Variants in GRIN3A observed in about 807,000 individuals in gnomAD.
GRIN3A encodes glutamate ionotropic receptor NMDA type subunit 3A.
In GRIN3A, 47 loss-of-function variants were observed where a neutral mutation model predicts 92.4. The observed-to-expected ratio is 0.51, with a 90% CI of 0.40 to 0.65. GRIN3A has a LOEUF of 0.65. GRIN3A is among the 30% of genes least tolerant of loss of function. The pLI is 0.00. For missense variants in GRIN3A, 1,324 were observed against 1,393.1 expected (o/e 0.95, Z 0.79); for synonymous variants, 527 against 540.6 (o/e 0.97, Z 0.35).
intron 1 of GRIN3A, among the ~76,000 whole-genome samples, chr9:101,735,524 C>T (rs1242407832): frequency 6.6e-6 from 1 of 151,814 alleles, no homozygotes; most frequent in Non-Finnish European, 1.5e-5. Context: ...AACTTCCCTT[C>T]TAACTAAGGA....
At chr9:101,646,060 C>T (rs532968729) in intron 3 of GRIN3A, among the ~76,000 whole-genome samples, 1 of 151,544 alleles carries the variant, frequency 6.6e-6, no homozygotes, top group Non-Finnish European at 1.5e-5. Context: ...TTTTGTGGTA[C>T]AGAAACCTTT....
intron 2 of GRIN3A, among the ~76,000 whole-genome samples, chr9:101,681,612 C>G (rs1189183705): frequency 6.6e-6 from 1 of 152,206 alleles, no homozygotes; most frequent in African/African-American, 2.4e-5. Context: ...TTTACAGGAT[C>G]CAAGTCCAGT....
intron 1 of GRIN3A, among the ~76,000 whole-genome samples, chr9:101,699,734 T>C (rs2506360): frequency 0.92 from 140,282 of 152,214 alleles, 64,966 homozygotes; most frequent in Middle Eastern, 0.97. Flanking sequence ...TTCTAGCTGT[T>C]GTGCTTATCT....
chr9:101,631,532 T>C (rs10512284), intron 3 of GRIN3A, among the ~76,000 whole-genome samples: 29,125 of 152,140 alleles, frequency 0.19, 3,148 homozygotes, highest in Non-Finnish European at 0.25. Flanking sequence ...TCATTTTCTT[T>C]TCTGAATGCA....
At chr9:101,723,830 C>T (rs1036403431) in intron 1 of GRIN3A, among the ~76,000 whole-genome samples, 1 of 152,084 alleles carries the variant, frequency 6.6e-6, no homozygotes, top group African/African-American at 2.4e-5. Flanking sequence ...TGTTTACAAA[C>T]CTTGAGCTAG....
intron 6 of GRIN3A, among the ~76,000 whole-genome samples, chr9:101,604,733 C>T (rs1828254882): frequency 6.6e-6 from 1 of 152,116 alleles, no homozygotes; most frequent in South Asian, 2.1e-4. Context: ...AAACTGCCCT[C>T]CCCCACTGCC....
At chr9:101,602,418 C>G (rs553652403) in intron 6 of GRIN3A, among the ~76,000 whole-genome samples, 1 of 152,196 alleles carries the variant, frequency 6.6e-6, no homozygotes, top group African/African-American at 2.4e-5. Flanking sequence ...GAGGCAACTC[C>G]TCTCTGCACA....
At chr9:101,614,015 T>C (rs1828405321) in intron 5 of GRIN3A, among the ~76,000 whole-genome samples, 1 of 152,132 alleles carries the variant, frequency 6.6e-6, no homozygotes, top group Non-Finnish European at 1.5e-5. Flanking sequence ...ACCATGTGAA[T>C]AAACAATACA....
intron 1 of GRIN3A, among the ~76,000 whole-genome samples, chr9:101,700,619 T>C (rs1829740511): frequency 6.6e-6 from 1 of 152,184 alleles, no homozygotes; most frequent in South Asian, 2.1e-4. Flanking sequence ...ATAATACAAT[T>C]ATTATGAATT....
Position 101,587,429 on chromosome 9 carries a change from C to T in GRIN3A, c.2767-8069G>A, listed in dbSNP as rs570534820. ...TGAATATAACTTCTTTTGAGATAGA[C>T]TGTATCCTGACGCAGATCTCAGAAA... On this transcript the variant is annotated intron_variant, in intron 6 of 8. Coordinates refer to ENST00000361820, the MANE Select transcript of GRIN3A (RefSeq NM_133445.3). 2.0e-5 allele frequency among the ~76,000 whole-genome samples: 3 copies of T among 152,178 alleles called. 1 individual carries two copies. In the East Asian group the frequency reaches 5.8e-4, roughly 29 times the overall value.
At position 101,572,049 on chromosome 9, in the gene GRIN3A, G is replaced by A. The variant is rs1232563531; in HGVS notation, c.*1125C>T. ...AGGATCATTAGAGGGACCAAAACCAGTTCATAGCTCCTCAGAGATGAGTGG... is the reference window on the plus strand; with the variant it reads ...AGGATCATTAGAGGGACCAAAACCAATTCATAGCTCCTCAGAGATGAGTGG... On this transcript the variant is annotated 3_prime_UTR_variant, in exon 9 of 9. Transcript: ENST00000361820. 1 of 148,354 alleles carries A rather than the reference G, an allele frequency of 6.7e-6. No homozygotes were observed. The highest frequency in any genetic ancestry group is 1.5e-5 in the Non-Finnish European group (1 of 66,094). The allele number at this position is 148,354 out of a possible 1,614,324, so 9.2% of individuals were successfully genotyped here. A position where few individuals can be genotyped will look rare whatever the true frequency, so the allele number is the denominator to read the frequency against.
chr9:101,689,074 T>C (rs898303146), intron 1 of GRIN3A, among the ~76,000 whole-genome samples: 3 of 152,162 alleles, frequency 2.0e-5, no homozygotes, highest in Non-Finnish European at 4.4e-5. Context: ...ATTGCTCCTG[T>C]GTTTTCTTTT....
At chr9:101,611,334 T>C (rs1828365483) in intron 6 of GRIN3A, among the ~76,000 whole-genome samples, 1 of 152,114 alleles carries the variant, frequency 6.6e-6, no homozygotes, top group South Asian at 2.1e-4. Flanking sequence ...ACGTGGACTT[T>C]TTCCCTGTAT....
rs1015711300 is a variant in GRIN3A at position 101,569,803 on chromosome 9, A to G, written c.*3371T>C. The G allele has an allele frequency of 6.6e-6, 1 of 152,176 alleles. No homozygotes were observed. Among genetic ancestry groups the G allele is most frequent in the African/African-American group, 2.4e-5 (1 of 41,438 alleles). The allele number at this position is 152,176 out of a possible 1,614,324, so 9.4% of individuals were successfully genotyped here. On this transcript the variant is annotated 3_prime_UTR_variant, in exon 9 of 9. Transcript: ENST00000361820. Reference sequence around the variant, plus strand: ...TTGGGAGAAAAAGAGGCTCTAAAGTAGTTTCTTTCCCCTTTATTCTTTACC... The same window carrying G: ...TTGGGAGAAAAAGAGGCTCTAAAGTGGTTTCTTTCCCCTTTATTCTTTACC...
chr9:101,631,009 C>T (rs570651114), intron 3 of GRIN3A, among the ~76,000 whole-genome samples: 123 of 150,132 alleles, frequency 8.2e-4, no homozygotes, highest in African/African-American at 3.0e-3. Context: ...ACTTCCCTAA[C>T]TTATTGTGTA....
intron 4 of GRIN3A, among the ~76,000 whole-genome samples, chr9:101,626,123 C>T (rs570860488): frequency 3.9e-5 from 6 of 152,272 alleles, no homozygotes; most frequent in African/African-American, 1.4e-4. Flanking sequence ...TCTAGATTGG[C>T]TGAATCACTG....
intron 8 of GRIN3A, among the ~76,000 whole-genome samples, chr9:101,577,051 G>C (rs576260418): frequency 7.2e-5 from 11 of 152,206 alleles, no homozygotes; most frequent in Middle Eastern, 3.4e-3. Context: ...CATGAAATAG[G>C]GAACAGTCAT....
intron 5 of GRIN3A, among the ~76,000 whole-genome samples, chr9:101,617,152 A>G (rs1292505919): frequency 7.0e-6 from 1 of 142,796 alleles, no homozygotes; most frequent in Non-Finnish European, 1.5e-5. Context: ...GTGAGCCGAG[A>G]TTGCGCCACT....
chr9:101,578,997 G>A (rs1056127858), intron 7 of GRIN3A, among the ~76,000 whole-genome samples, 199 bp downstream of exon 7: 3 of 152,164 alleles, frequency 2.0e-5, no homozygotes, highest in African/African-American at 4.8e-5. Flanking sequence ...AAAGGAAGGA[G>A]CACTGTGGGA....
Sources: allele counts gnomAD v4.1 joint callset (sites outside exome capture counted in the v4.1 genomes callset), GRCh38; gene constraint gnomAD v4.1.1; transcripts MANE v1.5; gene names NCBI Gene and HGNC (gene_info 2026-07-23, HGNC 2026-07-21).